The following RORA variants were observed in gnomAD, a reference collection of about 807,000 sequenced individuals.
The protein encoded by RORA is nuclear receptor ROR-alpha.
A neutral mutation model predicts 69.5 loss-of-function variants in RORA; 7 were observed. The ratio of observed to expected loss-of-function variants is 0.10; its 90% confidence interval spans 0.06 to 0.19. The LOEUF is 0.19. Among genes scored for constraint, RORA ranks in the 10% least tolerant of loss-of-function variants. The probability of loss-of-function intolerance (pLI) is 1.00; values close to 1 mark genes in which losing one functional copy is unlikely to be tolerated. For synonymous variants in RORA, 261 were observed against 240.8 expected, an observed-to-expected ratio of 1.08 and a Z score of -0.78; for missense variants, 457 against 663.0, an observed-to-expected ratio of 0.69 and a Z score of 3.41.
At chr15:60,958,522 G>A (rs1263618413) in intron 1 of RORA, among the ~76,000 whole-genome samples, 1 of 152,076 alleles carries the variant, frequency 6.6e-6, no homozygotes, top group African/African-American at 2.4e-5. Flanking sequence ...ATGCTCATTC[G>A]ATTATACCCA....
chr15:61,111,008 T>C (rs2079001892), intron 1 of RORA, among the ~76,000 whole-genome samples: 1 of 152,202 alleles, frequency 6.6e-6, no homozygotes, highest in African/African-American at 2.4e-5. Context: ...TCCACAAATG[T>C]TCCTGGCCTG....
chr15:60,499,537 C>A (rs2065266406), intron 10 of RORA, among the ~76,000 whole-genome samples: 1 of 152,112 alleles, frequency 6.6e-6, no homozygotes, highest in Non-Finnish European at 1.5e-5. Flanking sequence ...GACCCTGTCT[C>A]TAAAAAATTA....
At chr15:60,976,966 C>T (rs1893888799) in intron 1 of RORA, among the ~76,000 whole-genome samples, 1 of 152,128 alleles carries the variant, frequency 6.6e-6, no homozygotes, top group South Asian at 2.1e-4. Context: ...GACCATGTGT[C>T]CTGGGTTTCC....
chr15:60,617,659 C>CAGAGAGAGAGAGAGAGAGAGAGAGAG (rs10594406), intron 2 of RORA, among the ~76,000 whole-genome samples: 2 of 141,438 alleles, frequency 1.4e-5, no homozygotes, highest in African/African-American at 2.6e-5. Context: ...CACATACAGA[C>CAGAGAGAGAGAGAGAGAGAGAGAGAG]AGAGAGAGAG....
intron 1 of RORA, among the ~76,000 whole-genome samples, chr15:60,934,402 A>T (rs1194874720): frequency 6.6e-6 from 1 of 152,170 alleles, no homozygotes; most frequent in Non-Finnish European, 1.5e-5. Context: ...AAAAACAAAA[A>T]CACAGATTGC....
chr15:60,558,295 A>G (rs1431518876), intron 2 of RORA: 2 of 1,612,214 alleles, frequency 1.2e-6, no homozygotes, highest in African/African-American at 1.3e-5. Context: ...GAGAATCCCA[A>G]AAAGTTCATC....
At chr15:60,990,550 A>G (rs563346510) in intron 1 of RORA, among the ~76,000 whole-genome samples, 2 of 152,350 alleles carry the variant, frequency 1.3e-5, no homozygotes, top group East Asian at 1.9e-4. Context: ...TACCTTTATC[A>G]TGAATATTCT....
intron 1 of RORA, among the ~76,000 whole-genome samples, chr15:61,157,200 C>T (rs1169159491): frequency 6.6e-6 from 1 of 152,080 alleles, no homozygotes; most frequent in Non-Finnish European, 1.5e-5. Flanking sequence ...TAGATTATAT[C>T]CTCTGAACCA....
chr15:60,822,612 T>A (rs1428502550), intron 1 of RORA, among the ~76,000 whole-genome samples: 1 of 152,216 alleles, frequency 6.6e-6, no homozygotes, highest in East Asian at 1.9e-4. Context: ...CGAGGCTGAC[T>A]GTTGAGTGTG....
At chr15:60,890,901 T>C (rs1319051282) in intron 1 of RORA, among the ~76,000 whole-genome samples, 3 of 152,202 alleles carry the variant, frequency 2.0e-5, no homozygotes, top group Non-Finnish European at 4.4e-5. Flanking sequence ...GTGCTCTCTC[T>C]GAAGTGCCCA....
chr15:60,922,420 G>C (rs999215238), intron 1 of RORA, among the ~76,000 whole-genome samples: 1 of 152,156 alleles, frequency 6.6e-6, no homozygotes, highest in African/African-American at 2.4e-5. Flanking sequence ...GGGGTATGTG[G>C]AAGCTCTTTG....
At chr15:60,724,402 G>A (rs927275855) in intron 1 of RORA, among the ~76,000 whole-genome samples, 2 of 152,166 alleles carry the variant, frequency 1.3e-5, no homozygotes, top group Non-Finnish European at 2.9e-5. Flanking sequence ...AGCACAGAGA[G>A]CTTATGTAAT....
intron 1 of RORA, among the ~76,000 whole-genome samples, chr15:60,798,674 AG>A (rs2072533295): frequency 6.6e-6 from 1 of 152,028 alleles, no homozygotes; most frequent in Non-Finnish European, 1.5e-5. Flanking sequence ...TCACCCTAAC[AG>A]GCAGCATGGT....
chr15:60,682,253 A>G (rs2070654045), intron 1 of RORA: 1 of 152,250 alleles, frequency 6.6e-6, no homozygotes, highest in South Asian at 2.1e-4. Flanking sequence ...ACATAGTATT[A>G]GTTTAACCAA....
intron 1 of RORA, among the ~76,000 whole-genome samples, chr15:60,728,988 T>C (rs2071397294): frequency 6.6e-6 from 1 of 152,234 alleles, no homozygotes. Flanking sequence ...GCTAATACGT[T>C]GTTATATCCA....
intron 2 of RORA, among the ~76,000 whole-genome samples, chr15:60,673,296 A>G (rs1187233243): frequency 1.3e-5 from 2 of 152,214 alleles, no homozygotes; most frequent in Non-Finnish European, 2.9e-5. Context: ...TCTACTTTGG[A>G]AGAACTGACT....
intron 1 of RORA, among the ~76,000 whole-genome samples, chr15:61,227,991 T>C (rs1214332134): frequency 6.6e-6 from 1 of 151,988 alleles, no homozygotes; most frequent in East Asian, 1.9e-4. Context: ...ACAGCTCACT[T>C]TAGGAAAGGA....
chr15:60,694,744 G>A (rs907109306), intron 1 of RORA, among the ~76,000 whole-genome samples: 31 of 152,118 alleles, frequency 2.0e-4, no homozygotes, highest in African/African-American at 7.5e-4. Flanking sequence ...CCCACATAAT[G>A]TAAAACCAGC....
chr15:61,204,049 G>A (rs983037841), intron 1 of RORA, among the ~76,000 whole-genome samples: 4 of 152,228 alleles, frequency 2.6e-5, no homozygotes, highest in African/African-American at 7.2e-5. Context: ...GGCAAGGAAC[G>A]TTTCTGCTTT....
Sources: allele counts gnomAD v4.1 joint callset (sites outside exome capture counted in the v4.1 genomes callset), GRCh38; gene constraint gnomAD v4.1.1; transcripts MANE v1.5; gene names NCBI Gene and HGNC (gene_info 2026-07-23, HGNC 2026-07-21).